The following CSMD1 variants were observed in gnomAD, a reference collection of about 807,000 sequenced individuals.
CSMD1 encodes the protein CUB and sushi domain-containing protein 1.
A neutral mutation model predicts 417.5 loss-of-function variants in CSMD1; 213 were observed. The observed-to-expected ratio is 0.51, with a 90% confidence interval of 0.46 to 0.57. The LOEUF is 0.57. Among genes scored for constraint, CSMD1 ranks in the 20% least tolerant of loss-of-function variants. CSMD1 has a pLI of 0.00. For synonymous variants in CSMD1, 2,862 were observed against 1,736.8 expected (o/e 1.65, Z -16.11); for missense variants, 6,923 against 4,529.7 (o/e 1.53, Z -15.17).
intron 3 of CSMD1, among the ~76,000 whole-genome samples, chr8:4,316,129 C>T (rs10089612): frequency 0.19 from 28,873 of 152,006 alleles, 2,950 homozygotes; most frequent in East Asian, 0.32. Context: ...CTTAACCATT[C>T]AAAAACCTTC....
intron 4 of CSMD1, among the ~76,000 whole-genome samples, chr8:4,007,010 G>A (rs555282523): frequency 6.6e-6 from 1 of 151,538 alleles, no homozygotes; most frequent in Admixed American, 6.6e-5. Context: ...GTGTGTATGT[G>A]TGTATTTTTA....
chr8:4,671,610 T>C (rs1221357470), intron 1 of CSMD1, among the ~76,000 whole-genome samples: 1 of 152,214 alleles, frequency 6.6e-6, no homozygotes, highest in Non-Finnish European at 1.5e-5. Context: ...TCTTCAACAG[T>C]TCCTCTCTCA....
chr8:3,027,779 G>A (rs528167226), intron 51 of CSMD1, among the ~76,000 whole-genome samples: 1 of 152,214 alleles, frequency 6.6e-6, no homozygotes, highest in Non-Finnish European at 1.5e-5. Context: ...CAGGAAAACA[G>A]ACTTTCTAGA....
At chr8:3,837,984 G>A (rs1276585551) in intron 5 of CSMD1, among the ~76,000 whole-genome samples, 1 of 151,896 alleles carries the variant, frequency 6.6e-6, no homozygotes, top group Non-Finnish European at 1.5e-5. Context: ...ATCTAAACTG[G>A]CTTCTTGGAC....
intron 6 of CSMD1, among the ~76,000 whole-genome samples, chr8:3,737,575 T>C (rs974053796): frequency 1.3e-5 from 2 of 152,186 alleles, no homozygotes; most frequent in Non-Finnish European, 2.9e-5. Context: ...TATATCCTCC[T>C]ATGTCATTTA....
Position 4,667,977 on chromosome 8 carries a change from A to C in CSMD1, c.86-30419T>G, listed in dbSNP as rs554670498. Among the ~76,000 whole-genome samples the C allele has an allele frequency of 6.7e-4, 102 of 152,352 alleles. 1 individual carries two copies. The highest frequency in any genetic ancestry group is 2.4e-3 in the African/African-American group (101 of 41,578). ...CTTTTACCTGCCATTGCATTTGTTA[A>C]AAATCTACAATATTTTCGACTCCAT... On this transcript the variant is annotated intron_variant, in intron 1 of 69. Coordinates refer to ENST00000635120, the MANE Select transcript of CSMD1 (RefSeq NM_033225.6).
chr8:4,186,258 G>T (rs890600459), intron 3 of CSMD1, among the ~76,000 whole-genome samples: 1 of 152,086 alleles, frequency 6.6e-6, no homozygotes, highest in African/African-American at 2.4e-5. Flanking sequence ...GCAGCAGAGG[G>T]GAAAGTGTAA....
At chr8:4,877,526 G>A (rs28495056) in intron 1 of CSMD1, among the ~76,000 whole-genome samples, 4,493 of 151,968 alleles carry the variant, frequency 0.03, 210 homozygotes, top group African/African-American at 0.091. Flanking sequence ...CTTCCTCCTA[G>A]TTCTTCTTCA....
intron 11 of CSMD1, among the ~76,000 whole-genome samples, chr8:3,491,678 G>C (rs1198248656): frequency 6.6e-6 from 1 of 152,130 alleles, no homozygotes; most frequent in Non-Finnish European, 1.5e-5. Context: ...CAGAACAGTT[G>C]GCTAGTGCTT....
intron 36 of CSMD1, among the ~76,000 whole-genome samples, chr8:3,184,737 A>G (rs374745017): frequency 6.6e-6 from 1 of 152,168 alleles, no homozygotes; most frequent in South Asian, 2.1e-4. Flanking sequence ...TTTAATCTTT[A>G]CCATGGCTGG....
At chr8:3,207,364 C>G (rs902867803) in intron 30 of CSMD1, among the ~76,000 whole-genome samples, 1 of 150,810 alleles carries the variant, frequency 6.6e-6, no homozygotes, top group Non-Finnish European at 1.5e-5. Flanking sequence ...AGGCTGGTCT[C>G]GAACTCCTGA....
intron 8 of CSMD1, among the ~76,000 whole-genome samples, chr8:3,597,683 G>C (rs1020377156): frequency 6.6e-6 from 1 of 152,148 alleles, no homozygotes; most frequent in African/African-American, 2.4e-5. Flanking sequence ...CATGTCCTTT[G>C]CAGGGACATG....
At chr8:3,277,174 A>G (rs1323353207) in intron 26 of CSMD1, among the ~76,000 whole-genome samples, 1 of 152,044 alleles carries the variant, frequency 6.6e-6, no homozygotes, top group Non-Finnish European at 1.5e-5. Context: ...GTGATTGAGG[A>G]TGATGTTGAA....
chr8:4,786,898 T>C (rs1797427940), intron 1 of CSMD1, among the ~76,000 whole-genome samples: 2 of 152,214 alleles, frequency 1.3e-5, no homozygotes, highest in South Asian at 2.1e-4. Context: ...AGAAATAAGA[T>C]AAAAGTAGTT....
chr8:4,543,592 T>C (rs888367460), intron 2 of CSMD1, among the ~76,000 whole-genome samples: 1 of 151,576 alleles, frequency 6.6e-6, no homozygotes, highest in Admixed American at 6.6e-5. Context: ...GCACAGGTTT[T>C]TGTATGAACA....
chr8:4,530,153 T>C (rs1335067858), intron 2 of CSMD1, among the ~76,000 whole-genome samples: 2 of 151,738 alleles, frequency 1.3e-5, no homozygotes, highest in African/African-American at 4.8e-5. Context: ...GACCTTGTGA[T>C]CTGCCCACCT....
intron 52 of CSMD1, among the ~76,000 whole-genome samples, chr8:3,008,096 G>A (rs540923450): frequency 3.9e-5 from 6 of 152,296 alleles, no homozygotes; most frequent in Admixed American, 6.5e-5. Context: ...ACAAAGCACA[G>A]AGACTGGTAG....
chr8:4,268,479 T>A lies in CSMD1; in HGVS notation c.415+151474A>T, dbSNP rs193149177. On this transcript the variant is annotated intron_variant, in intron 3 of 69. Coordinates refer to ENST00000635120, the MANE Select transcript of CSMD1 (RefSeq NM_033225.6). ...CTGAAAGGTAGTATCGCTGCTTACG[T>A]TTCTAAGTATTTTGTAGTATTTAGA... Among the ~76,000 whole-genome samples, 633 of 152,278 alleles carry A rather than the reference T, an allele frequency of 4.2e-3. 2 individuals carry two copies. The highest frequency in any genetic ancestry group is 6.7e-3 in the Non-Finnish European group (456 of 68,008).
chr8:4,214,426 T>G (rs927260787), intron 3 of CSMD1, among the ~76,000 whole-genome samples: 3 of 152,182 alleles, frequency 2.0e-5, no homozygotes, highest in African/African-American at 7.2e-5. Flanking sequence ...GGCTTCTAAG[T>G]AGCTGAGACT....
Sources: gnomAD v4.1 joint callset for allele counts (sites outside exome capture counted in the v4.1 genomes callset) on GRCh38, gnomAD v4.1.1 for gene constraint, MANE v1.5 for transcripts, NCBI Gene and HGNC (gene_info 2026-07-23, HGNC 2026-07-21) for gene names.